The following DMGDH variants were observed in gnomAD, a reference collection of about 807,000 sequenced individuals.
DMGDH encodes dimethylglycine dehydrogenase, mitochondrial.
DMGDH carries 76 observed loss-of-function variants against 95.2 expected under a neutral mutation model. That is an observed-to-expected ratio of 0.80 (90% CI 0.66 to 0.97). DMGDH has a LOEUF of 0.97. Among genes scored for constraint, DMGDH ranks in the 50% least tolerant of loss-of-function variants. The pLI, the probability that DMGDH is intolerant of heterozygous loss-of-function variation, is 0.00. For synonymous variants in DMGDH, 345 were observed against 377.6 expected (o/e 0.91, Z 1.00); for missense variants, 987 against 1,055.0 (o/e 0.94, Z 0.89).
At chr5:79,031,021 A>T (rs1754158917) in intron 9 of DMGDH, 23 bp from the exon 10 acceptor site, 28 of 1,614,016 alleles carry the variant, frequency 1.7e-5, no homozygotes, top group Non-Finnish European at 2.4e-5. Context: ...ATTTAGTGTC[A>T]TAAAACAACT....
intron 2 of DMGDH, among the ~76,000 whole-genome samples, 174 bp from the exon 3 acceptor site, chr5:79,056,082 T>C (rs955793577): frequency 5.3e-5 from 8 of 152,196 alleles, no homozygotes; most frequent in Admixed American, 2.6e-4. Flanking sequence ...ATAAGGCTCA[T>C]GACAGGTTTT....
chr5:79,064,627 G>A (rs535299389), intron 1 of DMGDH, among the ~76,000 whole-genome samples: 26 of 151,560 alleles, frequency 1.7e-4, no homozygotes, highest in Admixed American at 1.7e-3. Flanking sequence ...AAATTTTTTT[G>A]ATTTTTGTAA....
At chr5:79,026,098 G>A (rs142679727) in intron 13 of DMGDH, among the ~76,000 whole-genome samples, 3 of 152,172 alleles carry the variant, frequency 2.0e-5, no homozygotes, top group Non-Finnish European at 4.4e-5. Context: ...AAATGAAGAC[G>A]GGCAAAATGA....
At chr5:79,014,319 C>T (rs1265645357) in intron 14 of DMGDH, among the ~76,000 whole-genome samples, 3 of 152,064 alleles carry the variant, frequency 2.0e-5, no homozygotes, top group Admixed American at 1.3e-4. Flanking sequence ...CTTAATTTTT[C>T]GGTTTTTTAA....
intron 14 of DMGDH, among the ~76,000 whole-genome samples, chr5:79,011,802 G>T (rs1753651887): frequency 6.6e-6 from 1 of 152,044 alleles, no homozygotes. Context: ...ACTCACTATT[G>T]CGAGGACAGT....
At chr5:79,046,292 C>T (rs1041782125) in intron 5 of DMGDH, among the ~76,000 whole-genome samples, 13 of 152,002 alleles carry the variant, frequency 8.6e-5, no homozygotes, top group African/African-American at 3.1e-4. Flanking sequence ...ACCATTTTGA[C>T]CAGGCTGATC....
chr5:79,034,439 T>C (rs147023087), intron 7 of DMGDH, among the ~76,000 whole-genome samples: 1 of 152,126 alleles, frequency 6.6e-6, no homozygotes, highest in Non-Finnish European at 1.5e-5. Context: ...AGAAAATGGA[T>C]GGGTTTTACA....
chr5:78,999,865 C>G (rs550653026), intron 15 of DMGDH, among the ~76,000 whole-genome samples: 1 of 134,620 alleles, frequency 7.4e-6, no homozygotes, highest in Non-Finnish European at 1.6e-5. Context: ...TTAATCATTG[C>G]TTTTTTTTTT....
chr5:79,042,749 T>C (rs951137827), intron 6 of DMGDH, among the ~76,000 whole-genome samples: 4 of 148,206 alleles, frequency 2.7e-5, no homozygotes, highest in Admixed American at 6.9e-5. Context: ...ATATAGTTTC[T>C]GATATTTAAT....
chr5:79,005,458 A>G (rs767403219), intron 14 of DMGDH, 51 bp from the exon 15 acceptor site: 2 of 1,612,414 alleles, frequency 1.2e-6, no homozygotes, highest in South Asian at 2.2e-5. Context: ...ACACTGTGAC[A>G]AGGTTAGAGA....
intron 7 of DMGDH, among the ~76,000 whole-genome samples, chr5:79,038,450 T>C (rs950268105): frequency 8.5e-5 from 13 of 152,114 alleles, no homozygotes; most frequent in Admixed American, 7.9e-4. Context: ...TGCCATTCCC[T>C]GGGCAGCAGA....
chr5:79,007,995 A>G (rs1045933398), intron 14 of DMGDH, among the ~76,000 whole-genome samples: 1 of 152,224 alleles, frequency 6.6e-6, no homozygotes, highest in African/African-American at 2.4e-5. Context: ...ACAGAAAAAA[A>G]GAACAATTTG....
At chr5:79,068,521 T>C (rs1755446506) in intron 1 of DMGDH, among the ~76,000 whole-genome samples, 1 of 152,196 alleles carries the variant, frequency 6.6e-6, no homozygotes, top group African/African-American at 2.4e-5. Context: ...TGGTGGCTAC[T>C]GCATTCCCAG....
chr5:79,048,410 G>A (rs1754742022), intron 5 of DMGDH, among the ~76,000 whole-genome samples: 1 of 152,056 alleles, frequency 6.6e-6, no homozygotes, highest in African/African-American at 2.4e-5. Flanking sequence ...GCAGACCCCA[G>A]CAGCCTTTAC....
chr5:79,063,816 T>G, intron 1 of DMGDH, 29 bp from the exon 2 acceptor site: 1 of 1,611,758 alleles, frequency 6.2e-7, no homozygotes, highest in Non-Finnish European at 8.5e-7. Context: ...AAATGGGAAC[T>G]TCAATCGGCA....
intron 14 of DMGDH, chr5:79,021,241 G>A (rs1753859397): frequency 9.9e-7 from 1 of 1,014,382 alleles, no homozygotes; most frequent in Non-Finnish European, 1.2e-6. Context: ...ACTTGCGGAA[G>A]GGTTATCTTC....
rs1039996717 is a variant in DMGDH at position 79,056,018 on chromosome 5, C to T, written c.277-110G>A. On this transcript the variant is annotated intron_variant, in intron 2 of 15. Coordinates refer to ENST00000255189, the MANE Select transcript of DMGDH (RefSeq NM_013391.3). Reference sequence around the variant, plus strand: ...ATGCTGGAAAGAAACTGAGAAGCACCAGCCAGTCCTTTGGGATGAGAACAC... The same window carrying T: ...ATGCTGGAAAGAAACTGAGAAGCACTAGCCAGTCCTTTGGGATGAGAACAC... 14 of 747,478 alleles carry T rather than the reference C, an allele frequency of 1.9e-5. No individual in the cohort carries two copies. In the East Asian group the frequency reaches 3.3e-4, roughly 18 times the overall value. 46.3% of individuals were successfully genotyped at this position (747,478 alleles called of 1,614,324 possible).
chr5:79,052,295 G>T (rs1754890956), intron 4 of DMGDH, among the ~76,000 whole-genome samples: 1 of 152,096 alleles, frequency 6.6e-6, no homozygotes, highest in African/African-American at 2.4e-5. Flanking sequence ...GTCTGATTTT[G>T]TTATCAGGGC....
intron 7 of DMGDH, among the ~76,000 whole-genome samples, chr5:79,041,372 T>A (rs947432273): frequency 6.6e-6 from 1 of 152,208 alleles, no homozygotes; most frequent in Non-Finnish European, 1.5e-5. Context: ...AAAAATAGAA[T>A]ATTAGAAGAT....
Sources: allele counts gnomAD v4.1 joint callset (sites outside exome capture counted in the v4.1 genomes callset), GRCh38; gene constraint gnomAD v4.1.1; transcripts MANE v1.5; gene names NCBI Gene and HGNC (gene_info 2026-07-23, HGNC 2026-07-21).